Variants in NPAS2 observed in about 807,000 individuals in gnomAD.
NPAS2 encodes neuronal PAS domain protein 2.
A neutral mutation model predicts 107.5 loss-of-function variants in NPAS2; 23 were observed. The observed-to-expected ratio is 0.21, with a 90% CI of 0.15 to 0.30. NPAS2 has a LOEUF of 0.30. Ranked by LOEUF, NPAS2 falls within the 10% of genes least tolerant of loss-of-function variation. The pLI is 1.00. For missense variants in NPAS2, 756 were observed against 1,043.3 expected, an observed-to-expected ratio of 0.72 and a Z score of 3.79; for synonymous variants, 403 against 417.5, an observed-to-expected ratio of 0.97 and a Z score of 0.42.
chr2:100,886,015 A>G (rs906955290), intron 1 of NPAS2, among the ~76,000 whole-genome samples: 1 of 152,266 alleles, frequency 6.6e-6, no homozygotes, highest in South Asian at 2.1e-4. Flanking sequence ...TTGGCTAGAC[A>G]TGTAAAATCA....
intron 1 of NPAS2, among the ~76,000 whole-genome samples, chr2:100,852,822 A>G (rs1266305277): frequency 1.3e-5 from 2 of 152,000 alleles, no homozygotes; most frequent in Non-Finnish European, 2.9e-5. Context: ...CAGGCACCAG[A>G]CTCGGTAGGT....
intron 1 of NPAS2, among the ~76,000 whole-genome samples, chr2:100,830,395 C>T (rs186122646): frequency 2.0e-4 from 31 of 152,186 alleles, no homozygotes; most frequent in Admixed American, 1.9e-3. Flanking sequence ...CATATGTATA[C>T]ATGTGCCATG....
intron 1 of NPAS2, among the ~76,000 whole-genome samples, chr2:100,835,740 T>G (rs1421607232): frequency 6.6e-6 from 1 of 152,098 alleles, no homozygotes; most frequent in East Asian, 1.9e-4. Flanking sequence ...CTGGACCACA[T>G]TTGTCAAACA....
At chr2:100,925,120 G>A in intron 2 of NPAS2, 26 bp from the exon 3 acceptor site, 1 of 1,595,792 alleles carries the variant, frequency 6.3e-7, no homozygotes, top group Non-Finnish European at 8.6e-7. Flanking sequence ...GAATGTTCCA[G>A]TAACCTGCTC....
intron 11 of NPAS2, among the ~76,000 whole-genome samples, chr2:100,969,545 A>G (rs183754490): frequency 2.0e-4 from 31 of 152,274 alleles, no homozygotes; most frequent in African/African-American, 7.5e-4. Flanking sequence ...ATTCTGTTTT[A>G]TGGCTGCATA....
At chr2:100,892,527 T>C (rs12712084) in intron 1 of NPAS2, among the ~76,000 whole-genome samples, 85,829 of 151,814 alleles carry the variant, frequency 0.57, 26,307 homozygotes, top group African/African-American at 0.81. Flanking sequence ...CAGCAAGCAC[T>C]GTGAGACCCG....
At chr2:100,841,708 C>A (rs1677412256) in intron 1 of NPAS2, among the ~76,000 whole-genome samples, 1 of 152,132 alleles carries the variant, frequency 6.6e-6, no homozygotes. Context: ...TACACATACA[C>A]ATATACAAAC....
chr2:100,968,493 C>T lies in NPAS2; in HGVS notation c.1055+65C>T, dbSNP rs1283818662. On this transcript the variant is annotated intron_variant, in intron 11 of 20. Coordinates refer to ENST00000335681, the MANE Select transcript of NPAS2 (RefSeq NM_002518.4). This position sits in a 1 kb window ranked among gnomAD's most constrained non-coding sequence, Gnocchi z 5.3. The stretch of plus-strand genomic sequence containing the variant: ...CACCTGGGGGAGGGGTGCAGGATGG[C>T]GTGGCCCCTGATGGCCAAGTCAGAT... The T allele has an allele frequency of 2.6e-6, 4 of 1,529,268 alleles. No homozygotes were observed. The highest frequency in any genetic ancestry group is 2.3e-5 in the South Asian group (2 of 85,536). The allele number at this position is 1,529,268 out of a possible 1,614,324, so 94.7% of individuals were successfully genotyped here. A position where few individuals can be genotyped will look rare whatever the true frequency, so the allele number is the denominator to read the frequency against.
chr2:100,914,736 T>C (rs952097700), intron 2 of NPAS2, among the ~76,000 whole-genome samples: 1 of 152,176 alleles, frequency 6.6e-6, no homozygotes, highest in Non-Finnish European at 1.5e-5. Flanking sequence ...CATTAAAAAA[T>C]ATATGAAAAG....
At chr2:100,932,828 T>C (rs1684046615) in intron 3 of NPAS2, 82 bp from the exon 4 acceptor site, 1 of 941,690 alleles carries the variant, frequency 1.1e-6, no homozygotes, top group Non-Finnish European at 1.7e-6. Context: ...CAAAATTACA[T>C]AGAAGTAACA....
intron 2 of NPAS2, among the ~76,000 whole-genome samples, chr2:100,921,981 G>A (rs1683254907): frequency 6.6e-6 from 1 of 152,126 alleles, no homozygotes; most frequent in South Asian, 2.1e-4. Context: ...AAAAGGAATG[G>A]GGTGTTAATA....
At chr2:100,886,639 C>T (rs370703955) in intron 1 of NPAS2, among the ~76,000 whole-genome samples, 2 of 152,162 alleles carry the variant, frequency 1.3e-5, no homozygotes, top group Non-Finnish European at 2.9e-5. Flanking sequence ...AGGAACTTGC[C>T]TAAGCTAGTT....
chr2:100,974,934 A>G lies in NPAS2; in HGVS notation c.1272A>G (p.Ser424=). The G allele has an allele frequency of 1.2e-6, 2 of 1,613,974 alleles. No homozygotes were observed. Among genetic ancestry groups the G allele is most frequent in the Non-Finnish European group, 1.7e-6 (2 of 1,179,892 alleles). ...ACAAATCCTCGCACACAGCCATGTC[A>G]GAACCCACCTGTGAGTGCGAGTCCA... ...SSHKSSHTAM[S]EPTSTPTKLM... is the part of the protein sequence containing the mutation. The change falls in exon 13 of 21, where the codon TCA becomes TCG. Residue 424 remains serine (S), a synonymous_variant. Coordinates refer to ENST00000335681, the MANE Select transcript of NPAS2 (RefSeq NM_002518.4).
At chr2:100,992,189 G>A (rs1022622923) in intron 19 of NPAS2, among the ~76,000 whole-genome samples, 67 of 152,224 alleles carry the variant, frequency 4.4e-4, no homozygotes, top group Admixed American at 7.2e-4. Flanking sequence ...CAAGGCGGGC[G>A]GATCACCTGA....
rs1573771233 is a variant in NPAS2, at chr2:100,975,644, G to A, written c.1392+77G>A. The A allele has an allele frequency of 3.8e-6, 4 of 1,061,856 alleles. No individual in the cohort carries two copies. In the East Asian group the frequency reaches 8.3e-5, roughly 22 times the overall value. 65.8% of individuals were successfully genotyped at this position (1,061,856 alleles called of 1,614,324 possible). ...GGGCTGCAGAGCCAGGCGATGTGCT[G>A]CGTCTCCCCAGAGAATCCGTTTTAC... On this transcript the variant is annotated intron_variant, in intron 14 of 20. Coordinates refer to ENST00000335681, the MANE Select transcript of NPAS2 (RefSeq NM_002518.4).
chr2:100,965,001 G>C lies in NPAS2; in HGVS notation c.800+58G>C. ...CCCTTCTCAAGTCTTGTTTGCGTGA[G>C]CCAGGCTCTCCTTGGGAGAGAAGAG... On this transcript the variant is annotated intron_variant, in intron 9 of 20. Transcript: ENST00000335681. This position sits in a 1 kb window ranked among gnomAD's most constrained non-coding sequence, Gnocchi z 4.3. The C allele has an allele frequency of 1.7e-6, 2 of 1,155,806 alleles. No homozygotes were observed. The highest frequency in any genetic ancestry group is 2.5e-6 in the Non-Finnish European group (2 of 806,358). 71.6% of individuals were successfully genotyped at this position (1,155,806 alleles called of 1,614,324 possible).
At chr2:100,847,691 C>T (rs1209458282) in intron 1 of NPAS2, among the ~76,000 whole-genome samples, 2 of 152,138 alleles carry the variant, frequency 1.3e-5, no homozygotes, top group Non-Finnish European at 2.9e-5. Context: ...TTTTATAAAG[C>T]CAGTGAGCTG....
intron 1 of NPAS2, among the ~76,000 whole-genome samples, chr2:100,831,751 T>C (rs1676752583): frequency 2.0e-5 from 3 of 152,144 alleles, no homozygotes; most frequent in African/African-American, 4.8e-5. Context: ...TAAAATCTTC[T>C]TTACTTTCAT....
At chr2:100,967,373 C>G (rs1676285514) in intron 10 of NPAS2, among the ~76,000 whole-genome samples, 1 of 151,104 alleles carries the variant, frequency 6.6e-6, no homozygotes, top group East Asian at 2.0e-4. Context: ...ACAACAGACG[C>G]CCGCCACCAC....
Sources: gnomAD v4.1 joint callset for allele counts (sites outside exome capture counted in the v4.1 genomes callset) on GRCh38, gnomAD v4.1.1 for gene constraint, Gnocchi (gnomAD v3.1) non-coding constraint, MANE v1.5 for transcripts, NCBI Gene and HGNC (gene_info 2026-07-23, HGNC 2026-07-21) for gene names.